OSMR: variants seen among roughly 807,000 people sequenced by gnomAD.
OSMR encodes the protein oncostatin M receptor.
A neutral mutation model predicts 99.9 loss-of-function variants in OSMR; 81 were observed. That is an observed-to-expected ratio of 0.81 (90% CI 0.68 to 0.97). The LOEUF is 0.97. Among genes scored for constraint, OSMR ranks in the 50% least tolerant of loss-of-function variants. OSMR has a pLI of 0.00. For synonymous variants in OSMR, 406 were observed against 410.4 expected (o/e 0.99, Z 0.13); for missense variants, 1,099 against 1,153.4 (o/e 0.95, Z 0.68).
At chr5:38,864,024 C>CT (rs1741730904) in intron 1 of OSMR, among the ~76,000 whole-genome samples, 2 of 152,106 alleles carry the variant, frequency 1.3e-5, no homozygotes. Flanking sequence ...TATCCCTTCA[C>CT]TTTCAGTCTA....
In OSMR at chr5:38,919,004, C is replaced by G. The variant is rs763606577; in HGVS notation, c.1527C>G (p.Asn509Lys). ...CCTACCAAATCTGCGTCATAGCCAA[C>G]AACAGTGTGGGTGCTTCTCCTGCTT... ...RCSYQICVIA[N>K]NSVGASPASV... The change falls in exon 11 of 18, where the codon AAC (asparagine) becomes AAG (lysine). Residue 509 changes from asparagine to lysine, a missense_variant. Transcript: ENST00000274276. 6.2e-7 allele frequency: 1 copy of G among 1,614,012 alleles called. No individual in the cohort carries two copies. Among genetic ancestry groups the G allele is most frequent in the Non-Finnish European group, 8.5e-7 (1 of 1,180,016 alleles).
At chr5:38,931,139 G>T (rs1243732970) in intron 15 of OSMR, among the ~76,000 whole-genome samples, 1 of 152,138 alleles carries the variant, frequency 6.6e-6, no homozygotes. Context: ...ACATATTGGA[G>T]AAATAAACGT....
chr5:38,898,950 C>CTTTTTTTTTTTTTTTTTTTTT lies in OSMR; in HGVS notation c.992-4928_992-4908dup, dbSNP rs58159819. ...TTTGTTGTTTCTATTTACATAATATCTTTTTTTTTTTTTTTTTTTTTTTTG... is the reference window on the plus strand; with the variant it reads ...TTTGTTGTTTCTATTTACATAATATCTTTTTTTTTTTTTTTTTTTTTTTTTTTTTTTTTTTTTTTTTTTTTG... On this transcript the variant is annotated intron_variant, in intron 7 of 17. Transcript: ENST00000274276. Among the ~76,000 whole-genome samples, 10 of 78,290 alleles carry CTTTTTTTTTTTTTTTTTTTTT rather than the reference C, an allele frequency of 1.3e-4. 2 individuals carry two copies. The highest frequency in any genetic ancestry group is 5.0e-4 in the African/African-American group (8 of 15,982). 51.4% of individuals were successfully genotyped at this position (78,290 alleles called of 152,430 possible). A position where few individuals can be genotyped will look rare whatever the true frequency, so the allele number is the denominator to read the frequency against.
intron 7 of OSMR, among the ~76,000 whole-genome samples, chr5:38,894,368 G>C (rs562374658): frequency 1.3e-5 from 2 of 151,164 alleles, no homozygotes; most frequent in South Asian, 2.1e-4. Context: ...CACTTAAAAG[G>C]CACAGTGAAT....
chr5:38,942,820 T>A, intron 1 of OSMR: 1 of 1,566,364 alleles, frequency 6.4e-7, no homozygotes, highest in Non-Finnish European at 8.8e-7. Flanking sequence ...TGAGAAGTAC[T>A]AATCATACTT....
intron 9 of OSMR, among the ~76,000 whole-genome samples, chr5:38,906,649 A>G (rs1378827568): frequency 6.6e-6 from 1 of 152,198 alleles, no homozygotes; most frequent in Non-Finnish European, 1.5e-5. Context: ...GCAAATTGAA[A>G]TCTGCTTTAA....
chr5:38,846,509 T>C (rs1361722595), intron 1 of OSMR, 122 bp downstream of exon 1: 1 of 152,322 alleles, frequency 6.6e-6, no homozygotes, highest in Non-Finnish European at 1.5e-5. Context: ...GAATGTTTGT[T>C]GAGTGGAAAA....
At chr5:38,912,311 G>A (rs879350332) in intron 9 of OSMR, among the ~76,000 whole-genome samples, 18 of 152,010 alleles carry the variant, frequency 1.2e-4, no homozygotes, top group African/African-American at 1.9e-4. Context: ...AGTCAAGAAC[G>A]CAATCCTACT....
Position 38,933,355 on chromosome 5 carries a change from G to C in OSMR, c.2851G>C (p.Val951Leu), listed in dbSNP as rs775646269. The change falls in exon 18 of 18, where the codon GTC becomes CTC. Residue 951 changes from valine (V) to leucine (L), a missense_variant. Val to Leu is a conservative substitution (Grantham distance 32, BLOSUM62 1). Coordinates refer to ENST00000274276, the MANE Select transcript of OSMR (RefSeq NM_003999.3). ...TTCAGAGTATAAAATGCAAATGGCA[G>C]TCTCCCTGCGTCTTGCCTTGCCTCC... ...HCSEYKMQMA[V>L]SLRLALPPPT... The C allele has an allele frequency of 4.3e-5, 70 of 1,613,992 alleles. No homozygotes were observed. Among genetic ancestry groups the C allele is most frequent in the Non-Finnish European group, 5.7e-5 (67 of 1,179,998 alleles).
At chr5:38,942,987 A>G (rs888831406) in intron 1 of OSMR, 3 of 1,575,044 alleles carry the variant, frequency 1.9e-6, no homozygotes, top group Non-Finnish European at 1.7e-6. Flanking sequence ...ATAAAAGATT[A>G]TGGTGTGATG....
intron 10 of OSMR, among the ~76,000 whole-genome samples, chr5:38,917,984 A>C (rs1367855711): frequency 3.3e-5 from 5 of 152,158 alleles, no homozygotes; most frequent in African/African-American, 1.2e-4. Context: ...CAAGCTTAAA[A>C]ATTGTAATAT....
intron 1 of OSMR, among the ~76,000 whole-genome samples, chr5:38,862,217 CGG>C (rs1561339098): frequency 1.5e-4 from 18 of 116,614 alleles, no homozygotes; most frequent in African/African-American, 5.1e-4. Context: ...CCTCACCTCC[CGG>C]ACGGGGCGGC....
chr5:38,945,107 A>G (rs1045956731), exon 3 of OSMR: 2 of 1,404,330 alleles, frequency 1.4e-6, no homozygotes, highest in African/African-American at 2.9e-5. Context: ...AAGCACCATA[A>G]CGGCTTAATT....
intron 7 of OSMR, among the ~76,000 whole-genome samples, chr5:38,887,964 C>T (rs1223434490): frequency 6.6e-6 from 1 of 151,998 alleles, no homozygotes; most frequent in African/African-American, 2.4e-5. Flanking sequence ...CGTTTCGCGC[C>T]GGTTTGGATA....
chr5:38,945,564 G>A (rs2112813906), downstream of OSMR: 1 of 1,613,990 alleles, frequency 6.2e-7, no homozygotes, highest in South Asian at 1.1e-5. Context: ...CACAATAAAG[G>A]CAGTTATCAT....
chr5:38,921,526 G>T, intron 11 of OSMR, 89 bp from the exon 12 acceptor site: 1 of 1,595,104 alleles, frequency 6.3e-7, no homozygotes, highest in South Asian at 1.1e-5. Flanking sequence ...TAGATACAGT[G>T]CATGTATGTA....
In OSMR at chr5:38,932,971, A is replaced by G. The variant is rs1746835206; in HGVS notation, c.2467A>G (p.Thr823Ala). The G allele has an allele frequency of 2.5e-6, 4 of 1,614,052 alleles. No individual in the cohort carries two copies. Among genetic ancestry groups the G allele is most frequent in the Non-Finnish European group, 3.4e-6 (4 of 1,179,884 alleles). Residue 823 changes from threonine (T) to alanine (A), a missense_variant, in exon 18 of 18, where the codon ACT becomes GCT. Thr to Ala is a moderately conservative substitution (Grantham distance 58). Transcript: ENST00000274276. ...PEGTKIQFLGTRKSLTETELT... is the reference protein window; with the variant it reads ...PEGTKIQFLGARKSLTETELT... The stretch of plus-strand genomic sequence containing the variant: ...AGGGACAAAGATACAGTTCCTAGGC[A>G]CTAGGAAGTCACTCACAGAAACCGA...
intron 9 of OSMR, among the ~76,000 whole-genome samples, chr5:38,912,409 T>C (rs536370744): frequency 1.6e-3 from 248 of 152,260 alleles, no homozygotes; most frequent in African/African-American, 5.7e-3. Flanking sequence ...AAAACACTGC[T>C]GAAAGAAATC....
chr5:38,932,607 CCTA>C (rs1352523478), intron 17 of OSMR, 72 bp downstream of exon 17: 7 of 1,571,468 alleles, frequency 4.5e-6, no homozygotes, highest in Non-Finnish European at 5.2e-6. Flanking sequence ...CTGTCAGAAT[CCTA>C]CTTTCCTAGA....
Sources: gnomAD v4.1 joint callset for allele counts (sites outside exome capture counted in the v4.1 genomes callset) on GRCh38, gnomAD v4.1.1 for gene constraint, MANE v1.5 for transcripts, NCBI Gene and HGNC (gene_info 2026-07-23, HGNC 2026-07-21) for gene names.